The following GABRA3 variants were observed in gnomAD, a reference collection of about 807,000 sequenced individuals.
GABRA3 encodes gamma-aminobutyric acid type A receptor subunit alpha3.
In GABRA3, 10 loss-of-function variants were observed where a neutral mutation model predicts 30.1. That is an observed-to-expected ratio of 0.33 (90% confidence interval 0.20 to 0.56). GABRA3 has a LOEUF of 0.56. Ranked by LOEUF, GABRA3 falls within the 20% of genes least tolerant of loss-of-function variation. The pLI, the probability that GABRA3 is intolerant of heterozygous loss-of-function variation, is 0.89. For synonymous variants in GABRA3, 151 were observed against 146.8 expected (o/e 1.03, Z -0.21); for missense variants, 233 against 392.0 (o/e 0.59, Z 3.42).
intron 1 of GABRA3, chrX:152,392,341 T>C (rs1330990894): frequency 2.7e-6 from 1 of 375,239 alleles, no homozygotes; most frequent in Non-Finnish European, 5.4e-6. Flanking sequence ...TATATAGGAG[T>C]AGATACTGAG....
intron 1 of GABRA3, among the ~76,000 whole-genome samples, chrX:152,396,669 T>A (rs183245758): frequency 4.2e-4 from 47 of 112,359 alleles, no homozygotes; most frequent in Non-Finnish European, 8.3e-4. Flanking sequence ...ACTACATTGA[T>A]ATGTTAAACA....
chrX:152,302,897 C>T lies in GABRA3; in HGVS notation c.263-18162G>A, dbSNP rs6627576. ...GCCTCCATTTGCATCCATGTTGCTG[C>T]AAAGGACATGATTTTATTCTTTTAT... is the stretch of plus-strand genomic sequence containing the variant. On this transcript the variant is annotated intron_variant, in intron 3 of 9. Transcript: ENST00000370314. Among the ~76,000 whole-genome samples, 1,505 of 111,583 alleles carry T rather than the reference C, an allele frequency of 0.013. 66 individuals carry two copies. The East Asian group carries it at 0.18, about 14-fold the overall frequency.
chrX:152,381,707 C>CA (rs1929149422), intron 1 of GABRA3, among the ~76,000 whole-genome samples: 1 of 109,590 alleles, frequency 9.1e-6, no homozygotes, highest in Non-Finnish European at 1.9e-5. Flanking sequence ...TAACCCCCCC[C>CA]ACCCACCAAC....
chrX:152,270,453 C>T (rs1005958834), intron 4 of GABRA3, among the ~76,000 whole-genome samples: 3 of 111,579 alleles, frequency 2.7e-5, no homozygotes, highest in African/African-American at 9.8e-5. Context: ...AATACAGTAC[C>T]TTAGTACCAG....
intron 5 of GABRA3, among the ~76,000 whole-genome samples, chrX:152,237,385 T>G (rs1006628929): frequency 1.9e-5 from 2 of 106,242 alleles, no homozygotes; most frequent in African/African-American, 7.0e-5. Flanking sequence ...ACCATGCTGT[T>G]TTGGTTACTG....
chrX:152,193,161 T>C (rs1027210902), intron 8 of GABRA3, among the ~76,000 whole-genome samples: 3 of 111,540 alleles, frequency 2.7e-5, no homozygotes, highest in Non-Finnish European at 5.6e-5. Flanking sequence ...CTATAGAATA[T>C]TCCCATCTCC....
chrX:152,221,595 T>A (rs1231923575), intron 6 of GABRA3, among the ~76,000 whole-genome samples: 1 of 112,097 alleles, frequency 8.9e-6, no homozygotes, highest in African/African-American at 3.2e-5. Flanking sequence ...GTTTATATGA[T>A]TTCTTGAGTA....
intron 5 of GABRA3, among the ~76,000 whole-genome samples, chrX:152,236,117 T>C (rs1318483679): frequency 3.3e-5 from 3 of 91,149 alleles, no homozygotes; most frequent in Non-Finnish European, 6.5e-5. Flanking sequence ...TAGCATTAGG[T>C]ATATCTCCCA....
At chrX:152,220,217 A>C (rs771020866) in intron 6 of GABRA3, among the ~76,000 whole-genome samples, 1 of 111,772 alleles carries the variant, frequency 8.9e-6, no homozygotes, top group Non-Finnish European at 1.9e-5. Context: ...ATCTGTCAGG[A>C]ATCTGGAAAT....
intron 1 of GABRA3, among the ~76,000 whole-genome samples, chrX:152,447,397 T>C (rs930073727): frequency 8.9e-6 from 1 of 111,761 alleles, no homozygotes; most frequent in African/African-American, 3.3e-5. Context: ...TGGCTTTCTA[T>C]CCACTGTAAG....
At chrX:152,208,379 G>C (rs1937598376) in intron 6 of GABRA3, among the ~76,000 whole-genome samples, 2 of 111,844 alleles carry the variant, frequency 1.8e-5, no homozygotes, top group African/African-American at 6.5e-5. Context: ...AACCCAAAGT[G>C]TTCTCATACT....
intron 1 of GABRA3, among the ~76,000 whole-genome samples, chrX:152,382,988 A>T (rs2124508492): frequency 9.0e-6 from 1 of 111,647 alleles, no homozygotes; most frequent in Non-Finnish European, 1.9e-5. Flanking sequence ...TTTGCTCAAG[A>T]TTATTTTGGC....
chrX:152,399,295 C>A (rs1398352578), intron 1 of GABRA3, among the ~76,000 whole-genome samples: 1 of 111,506 alleles, frequency 9.0e-6, no homozygotes, highest in African/African-American at 3.3e-5. Flanking sequence ...AATAAGGATT[C>A]TCAACTTTAA....
At chrX:152,423,104 C>A (rs1445740293) in intron 1 of GABRA3, among the ~76,000 whole-genome samples, 2 of 111,608 alleles carry the variant, frequency 1.8e-5, no homozygotes, top group African/African-American at 6.5e-5. Context: ...TAATAATGAA[C>A]AACAAATACT....
chrX:152,284,887 C>A, intron 3 of GABRA3, 152 bp from the exon 4 acceptor site: 1 of 336,185 alleles, frequency 3.0e-6, no homozygotes, highest in Admixed American at 4.7e-5. Flanking sequence ...TATCTCTTCA[C>A]AGGGAACATG....
At chrX:152,266,101 T>G (rs1430121576) in intron 4 of GABRA3, among the ~76,000 whole-genome samples, 1 of 111,388 alleles carries the variant, frequency 9.0e-6, no homozygotes, top group Non-Finnish European at 1.9e-5. Flanking sequence ...TTTCAAAAAA[T>G]AGAGGAGAAG....
At chrX:152,288,379 C>T (rs914690389) in intron 3 of GABRA3, among the ~76,000 whole-genome samples, 1 of 112,276 alleles carries the variant, frequency 8.9e-6, no homozygotes, top group Non-Finnish European at 1.9e-5. Context: ...CTTTTGTGTG[C>T]CTTTGTACCT....
chrX:152,330,177 A>C (rs1399326255), intron 3 of GABRA3, among the ~76,000 whole-genome samples: 3 of 112,024 alleles, frequency 2.7e-5, no homozygotes, highest in East Asian at 2.8e-4. Flanking sequence ...TAGAATGGGG[A>C]TCATTAAAAA....
At chrX:152,197,606 C>G in intron 8 of GABRA3, 27 bp downstream of exon 8, 1 of 1,174,450 alleles carries the variant, frequency 8.5e-7, no homozygotes, top group African/African-American at 1.8e-5. Flanking sequence ...TAAGACTTTC[C>G]CCTACGCTCC....
Sources: gnomAD v4.1 joint callset for allele counts (sites outside exome capture counted in the v4.1 genomes callset) on GRCh38, gnomAD v4.1.1 for gene constraint, MANE v1.5 for transcripts, NCBI Gene and HGNC (gene_info 2026-07-23, HGNC 2026-07-21) for gene names.